DHX9: variants seen among roughly 807,000 people sequenced by gnomAD.
The protein encoded by DHX9 is ATP-dependent RNA helicase A.
In DHX9, 27 loss-of-function variants were observed where a neutral mutation model predicts 148.7. The observed-to-expected ratio is 0.18, with a 90% confidence interval of 0.13 to 0.25. The LOEUF is 0.25. Among genes scored for constraint, DHX9 ranks in the 10% least tolerant of loss-of-function variants. The pLI, the probability that DHX9 is intolerant of heterozygous loss-of-function variation, is 1.00. For synonymous variants in DHX9, 529 were observed against 516.6 expected (o/e 1.02, Z -0.33); for missense variants, 796 against 1,559.6 (o/e 0.51, Z 8.25).
intron 16 of DHX9, 48 bp downstream of exon 16, chr1:182,875,002 C>A: frequency 6.8e-7 from 1 of 1,467,344 alleles, no homozygotes; most frequent in Non-Finnish European, 9.5e-7. Context: ...ATTGTCAATG[C>A]AGAGAAAAAA....
chr1:182,855,993 C>T (rs890558767), intron 6 of DHX9, among the ~76,000 whole-genome samples: 6 of 152,160 alleles, frequency 3.9e-5, no homozygotes, highest in African/African-American at 1.4e-4. Flanking sequence ...TTTTGTCATC[C>T]AGGGCTGCTT....
In DHX9 at chr1:182,856,513, C is replaced by T. The variant is rs779003325; in HGVS notation, c.627-19C>T. 3.1e-6 allele frequency: 5 copies of T among 1,611,902 alleles called. No individual in the cohort carries two copies. The highest frequency in any genetic ancestry group is 3.3e-4 in the Middle Eastern group (2 of 6,060). ...TCTAACAGTGAAATTTCTAACCTTG[C>T]TTGTATATGTTGTTACAGGAGCTTT... On this transcript the variant is annotated intron_variant, in intron 6 of 27. Coordinates refer to ENST00000367549, the MANE Select transcript of DHX9 (RefSeq NM_001357.5).
chr1:182,881,078 CAG>C (rs1331335948), intron 22 of DHX9, among the ~76,000 whole-genome samples, 184 bp from the exon 23 acceptor site: 1 of 152,198 alleles, frequency 6.6e-6, no homozygotes, highest in African/African-American at 2.4e-5. Context: ...ATTAGAGCAT[CAG>C]AGCATTTTTT....
At chr1:182,853,240 T>G in intron 4 of DHX9, 66 bp from the exon 5 acceptor site, 1 of 1,142,058 alleles carries the variant, frequency 8.8e-7, no homozygotes, top group Non-Finnish European at 1.3e-6. Context: ...TTAGGATAAT[T>G]CTTTAATGTA....
At chr1:182,878,338 A>G (rs1648916774) in intron 20 of DHX9, among the ~76,000 whole-genome samples, 165 bp downstream of exon 20, 1 of 152,258 alleles carries the variant, frequency 6.6e-6, no homozygotes, top group African/African-American at 2.4e-5. Flanking sequence ...CAAATCATTT[A>G]GAGAATAAGC....
At chr1:182,856,918 C>T (rs1019040539) in intron 7 of DHX9, among the ~76,000 whole-genome samples, 16 of 151,608 alleles carry the variant, frequency 1.1e-4, no homozygotes, top group Non-Finnish European at 1.9e-4. Flanking sequence ...GGTGTGATCT[C>T]GGCTCACTGC....
At chr1:182,843,514 T>A in intron 3 of DHX9, 80 bp downstream of exon 3, 3 of 1,295,226 alleles carry the variant, frequency 2.3e-6, no homozygotes, top group Non-Finnish European at 2.1e-6. Flanking sequence ...CTCAAGATAG[T>A]AATTTTTCAC....
chr1:182,878,431 C>T (rs890064410), intron 20 of DHX9, among the ~76,000 whole-genome samples: 1 of 152,154 alleles, frequency 6.6e-6, no homozygotes, highest in Non-Finnish European at 1.5e-5. Context: ...ACTCCTTAGG[C>T]CTGCATTTCC....
intron 12 of DHX9, among the ~76,000 whole-genome samples, chr1:182,862,024 G>C (rs1189236142): frequency 1.3e-5 from 2 of 152,128 alleles, no homozygotes; most frequent in Non-Finnish European, 2.9e-5. Context: ...ATGCTGATTG[G>C]TTATTACAGA....
chr1:182,844,533 T>G (rs761371276), intron 3 of DHX9, among the ~76,000 whole-genome samples: 2 of 152,052 alleles, frequency 1.3e-5, no homozygotes, highest in African/African-American at 2.4e-5. Context: ...GAAATAAGGT[T>G]TTTTTTGTTT....
At position 182,887,486 on chromosome 1, in the gene DHX9, C is replaced by T. The variant is rs767274994; in HGVS notation, c.*52C>T. On this transcript the variant is annotated 3_prime_UTR_variant, in exon 28 of 28. Transcript: ENST00000367549. ...TAGACAGTAAGGAAAAAAAGGCATG[C>T]TATGTGTTACGTGTTTTTTCCAGTA... The T allele has an allele frequency of 1.4e-6, 2 of 1,480,334 alleles. No individual in the cohort carries two copies. Among genetic ancestry groups the T allele is most frequent in the African/African-American group, 1.4e-5 (1 of 71,686 alleles). 91.7% of individuals were successfully genotyped at this position (1,480,334 alleles called of 1,614,324 possible).
chr1:182,854,855 A>G (rs1557968013), intron 6 of DHX9, among the ~76,000 whole-genome samples: 2 of 152,160 alleles, frequency 1.3e-5, no homozygotes, highest in African/African-American at 2.4e-5. Flanking sequence ...TACTCCCAGG[A>G]AGGCTCATAT....
rs1668338013 is a variant in DHX9, at chr1:182,860,344, A to G, written c.1332+160A>G. 13 of 583,732 alleles carry G rather than the reference A, an allele frequency of 2.2e-5. No individual in the cohort carries two copies. The East Asian group carries it at 4.3e-4, about 19-fold the overall frequency. The allele number at this position is 583,732 out of a possible 1,614,324, so 36.2% of individuals were successfully genotyped here. A position where few individuals can be genotyped will look rare whatever the true frequency, so the allele number is the denominator to read the frequency against. ...ATAAAAACAACGTAGTCTTTTTCTA[A>G]TCTCTAGTATGCTACACTAATAAGC... On this transcript the variant is annotated intron_variant, in intron 12 of 27. Coordinates refer to ENST00000367549, the MANE Select transcript of DHX9 (RefSeq NM_001357.5).
At chr1:182,866,915 C>A in intron 13 of DHX9, 46 bp from the exon 14 acceptor site, 1 of 1,427,582 alleles carries the variant, frequency 7.0e-7, no homozygotes, top group Non-Finnish European at 9.7e-7. Context: ...CATAGATTTA[C>A]TACTTTGAAC....
chr1:182,875,429 G>A (rs1034687524), intron 16 of DHX9, among the ~76,000 whole-genome samples: 16 of 152,112 alleles, frequency 1.1e-4, no homozygotes, highest in African/African-American at 3.4e-4. Flanking sequence ...ACAGGAGACC[G>A]GTGATGACAT....
Position 182,847,456 on chromosome 1 carries a change from C to T in DHX9, c.252+4022C>T, listed in dbSNP as rs562510630. 4.6e-5 allele frequency among the ~76,000 whole-genome samples: 7 copies of T among 152,280 alleles called. No individual in the cohort carries two copies. The South Asian group carries it at 1.2e-3, about 27-fold the overall frequency. ...CTGTCTTTTGGATGTTAACTCAGAT[C>T]TCACCTCAGTTTTCTGATCATTTAG... On this transcript the variant is annotated intron_variant, in intron 3 of 27. Transcript: ENST00000367549.
intron 6 of DHX9, among the ~76,000 whole-genome samples, chr1:182,854,829 A>C (rs987258228): frequency 6.6e-6 from 1 of 152,174 alleles, no homozygotes; most frequent in Non-Finnish European, 1.5e-5. Context: ...AGAGCATTCC[A>C]GGGTGTAGTA....
At chr1:182,875,535 C>T (rs578061647) in intron 16 of DHX9, among the ~76,000 whole-genome samples, 4 of 152,136 alleles carry the variant, frequency 2.6e-5, no homozygotes, top group South Asian at 4.2e-4. Flanking sequence ...AGTTGGACGA[C>T]GATAGTATAG....
chr1:182,842,531 T>G lies in DHX9; in HGVS notation c.-22-14T>G. 2.0e-6 allele frequency: 3 copies of G among 1,527,066 alleles called. No homozygotes were observed. The highest frequency in any genetic ancestry group is 2.7e-6 in the Non-Finnish European group (3 of 1,113,968). 94.6% of individuals were successfully genotyped at this position (1,527,066 alleles called of 1,614,324 possible). A position where few individuals can be genotyped will look rare whatever the true frequency, so the allele number is the denominator to read the frequency against. The stretch of plus-strand genomic sequence containing the variant: ...ATTATAAATGCTGTTTTTAACTGAC[T>G]TTTGTTTTCTTAGATCTGAAGAAGA... On this transcript the variant is annotated splice_polypyrimidine_tract_variant and intron_variant, in intron 1 of 27. Transcript: ENST00000367549.
Sources: gnomAD v4.1 joint callset for allele counts (sites outside exome capture counted in the v4.1 genomes callset) on GRCh38, gnomAD v4.1.1 for gene constraint, MANE v1.5 for transcripts, NCBI Gene and HGNC (gene_info 2026-07-23, HGNC 2026-07-21) for gene names.